PDE8B: variants seen among roughly 807,000 people sequenced by gnomAD.
The protein encoded by PDE8B is phosphodiesterase 8B, also known as high affinity cAMP-specific and IBMX-insensitive 3',5'-cyclic phosphodiesterase 8B.
In PDE8B, 26 loss-of-function variants were observed where a neutral mutation model predicts 101.3. The ratio of observed to expected loss-of-function variants is 0.26; its 90% CI spans 0.19 to 0.36. The LOEUF (loss-of-function observed/expected upper bound fraction) is 0.36. PDE8B is among the 10% of genes least tolerant of loss of function. PDE8B has a pLI of 1.00. For synonymous variants in PDE8B, 424 were observed against 429.3 expected (o/e 0.99, Z 0.15); for missense variants, 810 against 1,163.1 (o/e 0.70, Z 4.42).
At chr5:77,167,318 C>T in the PDE8B span, among the ~76,000 whole-genome samples, 522 of 152,300 alleles carry the variant, frequency 3.4e-3, 2 homozygotes, top group African/African-American at 7.2e-3. Context: ...GTACACCAGA[C>T]CATGTCTGTT....
the PDE8B span, among the ~76,000 whole-genome samples, chr5:77,152,341 C>G: frequency 6.6e-6 from 1 of 152,180 alleles, no homozygotes; most frequent in East Asian, 1.9e-4. Context: ...TTTTTATCAA[C>G]TGAAAATGTT....
At chr5:77,323,993 C>A (rs1312902251) in intron 2 of PDE8B, among the ~76,000 whole-genome samples, 1 of 152,018 alleles carries the variant, frequency 6.6e-6, no homozygotes, top group Admixed American at 6.6e-5. Flanking sequence ...AAGTATTTTT[C>A]AAATGTAATA....
At chr5:77,347,581 A>C (rs753403343) in intron 7 of PDE8B, among the ~76,000 whole-genome samples, 1 of 152,246 alleles carries the variant, frequency 6.6e-6, no homozygotes, top group Non-Finnish European at 1.5e-5. Context: ...CTGAGTATCC[A>C]AAGATCAATT....
At chr5:77,197,804 T>C in the PDE8B span, among the ~76,000 whole-genome samples, 2 of 152,184 alleles carry the variant, frequency 1.3e-5, no homozygotes, top group African/African-American at 4.8e-5. Context: ...GACCATTTCA[T>C]TTCAGAACTT....
intron 5 of PDE8B, among the ~76,000 whole-genome samples, chr5:77,334,842 T>C (rs1319127092): frequency 6.6e-6 from 1 of 152,198 alleles, no homozygotes; most frequent in Non-Finnish European, 1.5e-5. Context: ...TACCAAAAGC[T>C]ATTAATACAT....
intron 1 of PDE8B, among the ~76,000 whole-genome samples, chr5:77,235,991 A>T (rs1754600508): frequency 1.3e-5 from 2 of 152,220 alleles, no homozygotes; most frequent in Non-Finnish European, 2.9e-5. Flanking sequence ...TCACACCACC[A>T]GGAAGTGGCA....
chr5:77,363,442 G>A (rs1471851857), intron 10 of PDE8B, among the ~76,000 whole-genome samples: 5 of 152,198 alleles, frequency 3.3e-5, no homozygotes, highest in East Asian at 1.9e-4. Flanking sequence ...GGCCTGGTGC[G>A]GTGGCTTATG....
At chr5:77,184,745 T>C in the PDE8B span, among the ~76,000 whole-genome samples, 1 of 152,176 alleles carries the variant, frequency 6.6e-6, no homozygotes, top group Admixed American at 6.5e-5. Flanking sequence ...TTTAGGGGGC[T>C]GAGGCAGGAG....
the PDE8B span, among the ~76,000 whole-genome samples, chr5:77,137,088 G>A: frequency 6.6e-6 from 1 of 152,118 alleles, no homozygotes; most frequent in Non-Finnish European, 1.5e-5. Flanking sequence ...TTCCGCTAAG[G>A]CCAGAGTCCT....
At chr5:77,389,811 T>G (rs1789529921) in intron 10 of PDE8B, among the ~76,000 whole-genome samples, 1 of 152,206 alleles carries the variant, frequency 6.6e-6, no homozygotes, top group African/African-American at 2.4e-5. Flanking sequence ...AATATTCCTT[T>G]GCATCAGTCT....
chr5:77,245,021 G>A (rs2149573422), intron 1 of PDE8B, among the ~76,000 whole-genome samples: 1 of 152,304 alleles, frequency 6.6e-6, no homozygotes, highest in East Asian at 1.9e-4. Flanking sequence ...TGTAATCATA[G>A]GCAAGGGGAA....
intron 2 of PDE8B, among the ~76,000 whole-genome samples, chr5:77,313,693 A>C (rs1302304106): frequency 6.6e-6 from 1 of 152,178 alleles, no homozygotes; most frequent in Non-Finnish European, 1.5e-5. Flanking sequence ...GTGTACCAAC[A>C]CCCACTTCTA....
chr5:77,337,985 C>A (rs761991757), intron 6 of PDE8B, among the ~76,000 whole-genome samples: 6 of 152,180 alleles, frequency 3.9e-5, no homozygotes, highest in Admixed American at 6.5e-5. Context: ...AGGCTCCACT[C>A]TGGCAGGCTT....
intron 10 of PDE8B, among the ~76,000 whole-genome samples, chr5:77,371,865 T>C (rs565609116): frequency 6.6e-6 from 1 of 152,334 alleles, no homozygotes; most frequent in South Asian, 2.1e-4. Context: ...AATTGATTTC[T>C]AAGTTCATTT....
intron 10 of PDE8B, among the ~76,000 whole-genome samples, chr5:77,382,515 G>A (rs1787692774): frequency 6.6e-6 from 1 of 152,050 alleles, no homozygotes; most frequent in Non-Finnish European, 1.5e-5. Context: ...ATGTGCCATG[G>A]TGGTTTCCTG....
chr5:77,214,402 A>T (rs1331720712), intron 1 of PDE8B, among the ~76,000 whole-genome samples: 1 of 152,198 alleles, frequency 6.6e-6, no homozygotes, highest in Non-Finnish European at 1.5e-5. Flanking sequence ...TTCATACAGA[A>T]TGTGCTCATT....
intron 18 of PDE8B, 22 bp from the exon 19 acceptor site, chr5:77,419,745 C>G: frequency 1.2e-6 from 2 of 1,613,256 alleles, no homozygotes. Context: ...GAACAAGCCC[C>G]TTTGTCTTGT....
chr5:77,217,252 G>C (rs1479568), intron 1 of PDE8B, among the ~76,000 whole-genome samples: 21,089 of 151,820 alleles, frequency 0.14, 1,610 homozygotes, highest in African/African-American at 0.19. Context: ...GGGGGAGAAA[G>C]ACCTGAGCCT....
the PDE8B span, among the ~76,000 whole-genome samples, chr5:77,153,845 G>A: frequency 2.0e-5 from 3 of 152,256 alleles, no homozygotes; most frequent in Admixed American, 6.5e-5. Flanking sequence ...AAAGTGTTGG[G>A]ATTACAGGCA....
Sources: gnomAD v4.1 joint callset for allele counts (sites outside exome capture counted in the v4.1 genomes callset) on GRCh38, gnomAD v4.1.1 for gene constraint, MANE v1.5 for transcripts, NCBI Gene and HGNC (gene_info 2026-07-23, HGNC 2026-07-21) for gene names.